PRKD2: variants seen among roughly 807,000 people sequenced by gnomAD.
PRKD2 encodes serine/threonine-protein kinase D2.
A neutral mutation model predicts 86.0 loss-of-function variants in PRKD2; 22 were observed. The observed-to-expected ratio is 0.26, with a 90% CI of 0.18 to 0.37. The LOEUF (loss-of-function observed/expected upper bound fraction) is 0.37. Among genes scored for constraint, PRKD2 ranks in the 10% least tolerant of loss-of-function variants. PRKD2 has a pLI of 1.00. For missense variants in PRKD2, 818 were observed against 1,199.2 expected (o/e 0.68, Z 4.70); for synonymous variants, 509 against 510.9 (o/e 1.00, Z 0.05).
At chr19:46,679,483 A>C (rs1211456207) in intron 15 of PRKD2, among the ~76,000 whole-genome samples, 3 of 152,198 alleles carry the variant, frequency 2.0e-5, no homozygotes, top group African/African-American at 7.2e-5. Context: ...TCAAGGACCT[A>C]ATTTCTCCAG....
chr19:46,700,687 G>A, intron 7 of PRKD2, 112 bp downstream of exon 7: 9 of 1,384,176 alleles, frequency 6.5e-6, no homozygotes, highest in Admixed American at 2.6e-5. Context: ...CTCAGGAACT[G>A]GGAAAATTTA....
chr19:46,711,102 C>G, intron 2 of PRKD2, 64 bp from the exon 3 acceptor site: 1 of 1,511,582 alleles, frequency 6.6e-7, no homozygotes. Flanking sequence ...CCAGACCCCA[C>G]GTTCCCTGAT....
At chr19:46,699,389 G>A (rs927457308) in intron 7 of PRKD2, among the ~76,000 whole-genome samples, 1 of 152,224 alleles carries the variant, frequency 6.6e-6, no homozygotes, top group East Asian at 1.9e-4. Flanking sequence ...GTCAGCTCCA[G>A]AAGGGCAGAC....
Position 46,674,661 on chromosome 19 carries a change from G to C in PRKD2, c.2499C>G (p.Asp833Glu), listed in dbSNP as rs770736873. The C allele has an allele frequency of 1.0e-5, 16 of 1,606,414 alleles. No homozygotes were observed. Among genetic ancestry groups the C allele is most frequent in the South Asian group, 5.5e-5 (5 of 91,048 alleles). The change falls in exon 18 of 18, where the codon GAC becomes GAG. Residue 833 changes from aspartate to glutamate, a missense_variant. This residue lies in a region of PRKD2 where 132 missense variants were observed against 146.2 expected (regional missense o/e 0.90). Coordinates refer to ENST00000291281, the MANE Select transcript of PRKD2 (RefSeq NM_016457.5). The stretch of plus-strand genomic sequence containing the variant: ...CTGCAAACTGCTCCCAGCGCGCGTC[G>C]TCACTCTCATGCGTGATGTATCGCT... ...MGERYITHES[D>E]DARWEQFAAE... is the part of the protein sequence containing the mutation.
In PRKD2 at chr19:46,704,656, G is replaced by A; in HGVS notation, c.512-7C>T. The A allele has an allele frequency of 6.3e-7, 1 of 1,597,464 alleles. No individual in the cohort carries two copies. Among genetic ancestry groups the A allele is most frequent in the South Asian group, 1.1e-5 (1 of 88,998 alleles). On this transcript the variant is annotated splice_polypyrimidine_tract_variant and splice_region_variant and intron_variant, in intron 3 of 17. Transcript: ENST00000291281. ...TGGTAGTTCAGCCCGCAGCCTGCAG[G>A]GGGCGCCAGAGAGTAAGAGACATGG...
intron 16 of PRKD2, among the ~76,000 whole-genome samples, chr19:46,676,954 G>A (rs1334347372): frequency 4.0e-5 from 6 of 151,666 alleles, no homozygotes; most frequent in East Asian, 1.9e-4. Flanking sequence ...CCAGTTACTC[G>A]GGAGGCTGAG....
intron 9 of PRKD2, among the ~76,000 whole-genome samples, chr19:46,695,806 C>CG (rs1248963334): frequency 2.0e-5 from 3 of 151,890 alleles, no homozygotes; most frequent in South Asian, 2.1e-4. Context: ...ATGGACACGT[C>CG]GGGGGGGCAT....
chr19:46,707,771 G>C (rs1438042193), intron 3 of PRKD2, among the ~76,000 whole-genome samples: 4 of 152,046 alleles, frequency 2.6e-5, no homozygotes, highest in Admixed American at 2.0e-4. Flanking sequence ...CTTGACACTT[G>C]GGCTGAACCT....
chr19:46,681,871 G>A (rs1484887051), intron 14 of PRKD2, 123 bp from the exon 15 acceptor site: 18 of 575,290 alleles, frequency 3.1e-5, no homozygotes, highest in East Asian at 9.2e-5. Context: ...ACAGAGTCTC[G>A]CTCTGTAGCC....
Position 46,675,081 on chromosome 19 carries a change from C to T in PRKD2, c.2376G>A (p.Met792Ile), listed in dbSNP as rs755165428. Reference protein sequence around the residue: ...DLINNLLQVKMRKRYSVDKSL... With the variant: ...DLINNLLQVKIRKRYSVDKSL... Reference sequence around the variant, plus strand: ...ATTTGTCCACGCTGTAGCGTTTGCGCATCTTCACCTGCAGCAGGTTGTTGA... The same window carrying T: ...ATTTGTCCACGCTGTAGCGTTTGCGTATCTTCACCTGCAGCAGGTTGTTGA... Residue 792 changes from methionine to isoleucine, a missense_variant, in exon 17 of 18, where the codon ATG becomes ATA. Physicochemically the swap from Met to Ile is conservative, Grantham distance 10. Transcript: ENST00000291281. 7 of 1,611,896 alleles carry T rather than the reference C, an allele frequency of 4.3e-6. No homozygotes were observed. Among genetic ancestry groups the T allele is most frequent in the Non-Finnish European group, 5.9e-6 (7 of 1,178,904 alleles).
rs554392360 is a variant in PRKD2 at position 46,714,066 on chromosome 19, T to G, written c.241-65A>C. On this transcript the variant is annotated intron_variant, in intron 1 of 17. Coordinates refer to ENST00000291281, the MANE Select transcript of PRKD2 (RefSeq NM_016457.5). ...GAGCCGCCTTCAGCAGCGGGCGGAC[T>G]GTGACCCTCCCAGGGCAGGGCCGGC... The G allele has an allele frequency of 2.1e-5, 33 of 1,581,444 alleles. No individual in the cohort carries two copies. In the Admixed American group the frequency reaches 5.5e-4, roughly 26 times the overall value.
In PRKD2 at chr19:46,694,044, G is replaced by A. The variant is rs766780089; in HGVS notation, c.1407C>T (p.Ile469=). The change falls in exon 10 of 18, where the codon ATC becomes ATT. Residue 469 remains isoleucine (I), a synonymous_variant. Transcript: ENST00000291281. ...PPGTNPHCFE[I]VTANATYFVG... ...CGAAGTAGGTGGCATTGGCAGTGACGATCTCAAAGCAGTGTGGGTTGGTGC... is the reference window on the plus strand; with the variant it reads ...CGAAGTAGGTGGCATTGGCAGTGACAATCTCAAAGCAGTGTGGGTTGGTGC... The A allele has an allele frequency of 8.5e-5, 137 of 1,614,048 alleles. 1 individual carries two copies. The highest frequency in any genetic ancestry group is 1.1e-4 in the Non-Finnish European group (127 of 1,180,046).
chr19:46,678,285 C>T lies in PRKD2; in HGVS notation c.2338+111G>A. On this transcript the variant is annotated intron_variant, in intron 16 of 17. Transcript: ENST00000291281. This position sits in a 1 kb window ranked among gnomAD's most constrained non-coding sequence, Gnocchi z 5.7. ...AGGCCCGCCCCAGCACTGGGCTCCA[C>T]CCCCAAGGTGCCAGGCTGTTTCCGG... 1 of 1,476,258 alleles carries T rather than the reference C, an allele frequency of 6.8e-7. No homozygotes were observed. Among genetic ancestry groups the T allele is most frequent in the Non-Finnish European group, 9.0e-7 (1 of 1,105,672 alleles). 91.4% of individuals were successfully genotyped at this position (1,476,258 alleles called of 1,614,324 possible).
intron 9 of PRKD2, among the ~76,000 whole-genome samples, chr19:46,694,584 G>A (rs2053530410): frequency 6.6e-6 from 1 of 152,092 alleles, no homozygotes; most frequent in South Asian, 2.1e-4. Context: ...GACAGAGTGA[G>A]ATTCCGTCTC....
intron 14 of PRKD2, among the ~76,000 whole-genome samples, chr19:46,685,089 T>A: frequency 6.6e-6 from 1 of 151,300 alleles, no homozygotes; most frequent in East Asian, 1.9e-4. Flanking sequence ...TGAAACCCCG[T>A]CTCTACTAAA....
Position 46,716,994 on chromosome 19 carries a change from A to T in PRKD2, c.-624T>A, listed in dbSNP as rs2053888898. The T allele has an allele frequency of 6.6e-6, 1 of 150,980 alleles. No homozygotes were observed. The allele number at this position is 150,980 out of a possible 1,614,324, so 9.4% of individuals were successfully genotyped here. A position where few individuals can be genotyped will look rare whatever the true frequency, so the allele number is the denominator to read the frequency against. ...AAAAGTTCGGTCGGGAGCCGTGAGG[A>T]AGGGGGCGTTGCCGGAGCGGGGTTG... On this transcript the variant is annotated 5_prime_UTR_variant, in exon 1 of 18. Coordinates refer to ENST00000291281, the MANE Select transcript of PRKD2 (RefSeq NM_016457.5). The surrounding 1 kb of genome is among the most constrained non-coding windows in gnomAD (Gnocchi z 7.9).
rs1226616958 is a variant in PRKD2 at position 46,697,861 on chromosome 19, A to T, written c.1122-11T>A. The T allele has an allele frequency of 6.2e-7, 1 of 1,603,526 alleles. No individual in the cohort carries two copies. Among genetic ancestry groups the T allele is most frequent in the Non-Finnish European group, 8.5e-7 (1 of 1,170,782 alleles). ...ATGTACCCCAGGGAGCTGCGAAGGA[A>T]GAGGAAGGGGTGAGAAGTCACATGC... On this transcript the variant is annotated splice_polypyrimidine_tract_variant and intron_variant, in intron 7 of 17. Transcript: ENST00000291281.
intron 1 of PRKD2, chr19:46,714,239 G>A (rs2122181227): frequency 9.3e-6 from 12 of 1,291,318 alleles, no homozygotes; most frequent in South Asian, 2.1e-5. Flanking sequence ...AGGGGGAGCT[G>A]GGGTGGGAGG....
At chr19:46,704,926 A>G (rs2053692608) in intron 3 of PRKD2, among the ~76,000 whole-genome samples, 1 of 129,532 alleles carries the variant, frequency 7.7e-6, no homozygotes, top group Admixed American at 8.5e-5. Context: ...TTCTCACTCC[A>G]ACAAGGGACA....
Sources: allele counts gnomAD v4.1 joint callset (sites outside exome capture counted in the v4.1 genomes callset), GRCh38; gene constraint gnomAD v4.1.1; regional missense constraint gnomAD v4.1.1; non-coding constraint Gnocchi (gnomAD v3.1); transcripts MANE v1.5; gene names NCBI Gene and HGNC (gene_info 2026-07-23, HGNC 2026-07-21).